The following POFUT1 variants were observed in gnomAD, a reference collection of about 807,000 sequenced individuals.
POFUT1 encodes GDP-fucose protein O-fucosyltransferase 1.
POFUT1 carries 16 observed loss-of-function variants against 42.4 expected under a neutral mutation model. The ratio of observed to expected loss-of-function variants is 0.38; its 90% CI spans 0.26 to 0.57. POFUT1 has a LOEUF of 0.57. Among genes scored for constraint, POFUT1 ranks in the 20% least tolerant of loss-of-function variants. The pLI, the probability that POFUT1 is intolerant of heterozygous loss-of-function variation, is 0.71. For missense variants in POFUT1, 470 were observed against 504.6 expected (o/e 0.93, Z 0.66); for synonymous variants, 206 against 205.4 (o/e 1.00, Z -0.03).
intron 4 of POFUT1, 53 bp downstream of exon 4, chr20:32,216,774 G>A (rs2047363397): frequency 1.4e-6 from 2 of 1,406,672 alleles, no homozygotes; most frequent in Admixed American, 1.7e-5. Flanking sequence ...TGGAGCTCAT[G>A]AGCATTCAGC....
chr20:32,208,048 T>C lies in POFUT1; in HGVS notation c.107T>C (p.Leu36Pro). ...TCCTGGGACCCGGCCGGTTACCTGC[T>C]CTACTGCCCCTGCATGGGTAAGGCC... The part of the protein sequence containing the change: ...AGSWDPAGYL[L>P]YCPCMGRFGN... Residue 36 changes from leucine to proline, a missense_variant, in exon 1 of 7, where the codon CTC (leucine) becomes CCC (proline). Leu to Pro is a moderately conservative substitution (Grantham distance 98). Coordinates refer to ENST00000375749, the MANE Select transcript of POFUT1 (RefSeq NM_015352.2). The C allele has an allele frequency of 3.8e-6, 6 of 1,563,790 alleles. No homozygotes were observed. Among genetic ancestry groups the C allele is most frequent in the Admixed American group, 1.9e-5 (1 of 53,952 alleles).
chr20:32,217,199 A>G, intron 4 of POFUT1: 1 of 1,440,186 alleles, frequency 6.9e-7, no homozygotes, highest in Non-Finnish European at 9.1e-7. Context: ...CAGGCCGTGA[A>G]ACATTTATAG....
Position 32,235,778 on chromosome 20 carries a change from T to C in POFUT1, c.*1117T>C, listed in dbSNP as rs754173599. 3.3e-5 allele frequency: 5 copies of C among 152,272 alleles called. No homozygotes were observed. Among genetic ancestry groups the C allele is most frequent in the Non-Finnish European group, 7.3e-5 (5 of 68,054 alleles). The allele number at this position is 152,272 out of a possible 1,614,324, so 9.4% of individuals were successfully genotyped here. On this transcript the variant is annotated 3_prime_UTR_variant, in exon 7 of 7. Transcript: ENST00000375749. The stretch of plus-strand genomic sequence containing the variant: ...ATAATCTGTGACTCCTGAGAGCCCA[T>C]GGTTTTTTGACCTTGTGGTTCTAAA...
At chr20:32,219,777 G>A (rs757885147) in intron 4 of POFUT1, among the ~76,000 whole-genome samples, 6 of 152,066 alleles carry the variant, frequency 3.9e-5, no homozygotes, top group Non-Finnish European at 7.4e-5. Flanking sequence ...GATTACAGGC[G>A]TGAGCCACCG....
At chr20:32,219,663 A>C (rs1039621991) in intron 4 of POFUT1, among the ~76,000 whole-genome samples, 71 of 151,736 alleles carry the variant, frequency 4.7e-4, no homozygotes, top group Non-Finnish European at 9.0e-4. Context: ...CGCCCGGCTG[A>C]TTTTTTTGTA....
In POFUT1 at chr20:32,237,584, G is replaced by T. The variant is rs899163389; in HGVS notation, c.*2923G>T. ...GGGAACCGAGCAGCAGGTCAGAGCA[G>T]GCGAGCTGACATTCTGCAGCCTGGA... On this transcript the variant is annotated 3_prime_UTR_variant, in exon 7 of 7. Coordinates refer to ENST00000375749, the MANE Select transcript of POFUT1 (RefSeq NM_015352.2). 5 of 292,450 alleles carry T rather than the reference G, an allele frequency of 1.7e-5. No individual in the cohort carries two copies. Among genetic ancestry groups the T allele is most frequent in the African/African-American group, 1.1e-4 (5 of 46,150 alleles). The allele number at this position is 292,450 out of a possible 1,614,324, so 18.1% of individuals were successfully genotyped here. A position where few individuals can be genotyped will look rare whatever the true frequency, so the allele number is the denominator to read the frequency against.
At chr20:32,217,977 C>T (rs1344266838) in intron 4 of POFUT1, 1 of 152,998 alleles carries the variant, frequency 6.5e-6, no homozygotes, top group Non-Finnish European at 1.5e-5. Context: ...GGTATTGACT[C>T]ACTTAATCTT....
Position 32,234,414 on chromosome 20 carries a change from G to A in POFUT1, c.979-59G>A, listed in dbSNP as rs1014334547. ...CTCAGGGAATAAGGTTGGGGGTGTG[G>A]ATGGCAGGCCTTGGCCTGTAGCCAC... is the stretch of plus-strand genomic sequence containing the variant. On this transcript the variant is annotated intron_variant, in intron 6 of 6. Transcript: ENST00000375749. 6.9e-6 allele frequency: 10 copies of A among 1,455,408 alleles called. No homozygotes were observed. In the African/African-American group the frequency reaches 1.4e-4, roughly 21 times the overall value. 90.2% of individuals were successfully genotyped at this position (1,455,408 alleles called of 1,614,324 possible).
intron 4 of POFUT1, among the ~76,000 whole-genome samples, chr20:32,221,111 A>G (rs573663620): frequency 3.3e-4 from 50 of 152,322 alleles, no homozygotes; most frequent in Admixed American, 2.9e-3. Flanking sequence ...AGAGGTGGGC[A>G]GGGGTCAAAA....
intron 4 of POFUT1, among the ~76,000 whole-genome samples, chr20:32,226,958 G>T (rs1206790950): frequency 6.6e-6 from 1 of 152,146 alleles, no homozygotes; most frequent in Non-Finnish European, 1.5e-5. Flanking sequence ...TTGAATAAAT[G>T]CCTAAGAGTA....
At chr20:32,230,224 A>G (rs1362345756) in intron 5 of POFUT1, among the ~76,000 whole-genome samples, 2 of 151,688 alleles carry the variant, frequency 1.3e-5, no homozygotes, top group Admixed American at 6.6e-5. Flanking sequence ...CGTCTCTACT[A>G]AAAATACAAA....
chr20:32,222,765 A>G, intron 4 of POFUT1: 1 of 985,456 alleles, frequency 1.0e-6, no homozygotes, highest in Non-Finnish European at 1.2e-6. Context: ...GCACAGCTCT[A>G]ATTCAGCTGA....
At chr20:32,220,491 C>T (rs2047386104) in intron 4 of POFUT1, among the ~76,000 whole-genome samples, 1 of 152,182 alleles carries the variant, frequency 6.6e-6, no homozygotes, top group Non-Finnish European at 1.5e-5. Context: ...CCTGTAATCC[C>T]AGCACTTTGG....
intron 6 of POFUT1, among the ~76,000 whole-genome samples, chr20:32,233,733 T>C (rs1235115513): frequency 6.6e-6 from 1 of 152,094 alleles, no homozygotes; most frequent in Non-Finnish European, 1.5e-5. Context: ...CAGGGGTAGA[T>C]TGGACGGACC....
chr20:32,209,435 T>C (rs2122560182), intron 1 of POFUT1, among the ~76,000 whole-genome samples: 1 of 152,354 alleles, frequency 6.6e-6, no homozygotes, highest in African/African-American at 2.4e-5. Flanking sequence ...GCCTTGTCCT[T>C]CTTGTTCATT....
chr20:32,234,349 T>G, intron 6 of POFUT1, 124 bp from the exon 7 acceptor site: 1 of 907,446 alleles, frequency 1.1e-6, no homozygotes, highest in Non-Finnish European at 1.6e-6. Flanking sequence ...GAACCACATC[T>G]TCCTCTTCTC....
intron 2 of POFUT1, among the ~76,000 whole-genome samples, chr20:32,212,608 G>C (rs185379669): frequency 6.6e-6 from 1 of 152,066 alleles, no homozygotes; most frequent in East Asian, 1.9e-4. Context: ...TTGATGAAGA[G>C]TCTCGCTCTG....
chr20:32,220,175 A>C lies in POFUT1; in HGVS notation c.542+3454A>C, dbSNP rs139659447. On this transcript the variant is annotated intron_variant, in intron 4 of 6. Transcript: ENST00000375749. ...TCCTTTTAAGGCTGAATAATAGTTC[A>C]TCGTATGTATATACCACATTTGTGT... is the stretch of plus-strand genomic sequence containing the variant. Among the ~76,000 whole-genome samples the C allele has an allele frequency of 7.2e-5, 11 of 152,360 alleles. No individual in the cohort carries two copies. In the East Asian group the frequency reaches 2.1e-3, roughly 29 times the overall value.
intron 4 of POFUT1, among the ~76,000 whole-genome samples, chr20:32,224,477 C>T (rs1047571171): frequency 3.5e-4 from 53 of 152,084 alleles, no homozygotes; most frequent in African/African-American, 1.2e-3. Flanking sequence ...GTCACTGGTC[C>T]GAGGCCTGTG....
Sources: allele counts gnomAD v4.1 joint callset (sites outside exome capture counted in the v4.1 genomes callset), GRCh38; gene constraint gnomAD v4.1.1; transcripts MANE v1.5; gene names NCBI Gene and HGNC (gene_info 2026-07-23, HGNC 2026-07-21).